The following SP5 variants were observed in gnomAD, a reference collection of about 807,000 sequenced individuals.
SP5 encodes Sp5 transcription factor.
A neutral mutation model predicts 27.4 loss-of-function variants in SP5; 12 were observed. The ratio of observed to expected loss-of-function variants is 0.44; its 90% confidence interval spans 0.28 to 0.71. The LOEUF (loss-of-function observed/expected upper bound fraction) is 0.71. Ranked by LOEUF, SP5 falls within the 30% of genes least tolerant of loss-of-function variation. SP5 has a pLI of 0.15. For synonymous variants in SP5, 330 were observed against 290.7 expected (o/e 1.14, Z -1.38); for missense variants, 660 against 589.8 (o/e 1.12, Z -1.23).
At chr2:170,716,128 G>T in intron 1 of SP5, 131 bp from the exon 2 acceptor site, 2 of 1,410,510 alleles carry the variant, frequency 1.4e-6, no homozygotes, top group East Asian at 2.7e-5. Context: ...GTGCGGTGGC[G>T]GGGGAGGGAC....
intron 1 of SP5, chr2:170,715,861 C>T (rs1370847027): frequency 2.0e-6 from 2 of 985,288 alleles, no homozygotes. Context: ...AGCGCGAAGG[C>T]AGTGAGGACA....
intron 1 of SP5, chr2:170,715,890 G>A: frequency 1.0e-6 from 1 of 985,454 alleles, no homozygotes; most frequent in African/African-American, 1.7e-5. Flanking sequence ...TAAAAGATGG[G>A]AGGGAGAGCG....
At position 170,716,391 on chromosome 2, in the gene SP5, G is replaced by A. The variant is rs1429269247; in HGVS notation, c.184G>A (p.Ala62Thr). Residue 62 changes from alanine to threonine, a missense_variant, in exon 2 of 2, where the codon GCG (alanine) becomes ACG (threonine). Physicochemically the swap from Ala to Thr is moderately conservative, Grantham distance 58 (BLOSUM62 0). Transcript: ENST00000375281. ...CTTCCTGCAGGTGCCCTACGACCCC[G>A]CGCTGGGCTCACCCTCCAGGCTCTT... ...PDFLQVPYDP[A>T]LGSPSRLFHP... 6.3e-6 allele frequency: 10 copies of A among 1,598,374 alleles called. No homozygotes were observed. Among genetic ancestry groups the A allele is most frequent in the African/African-American group, 1.3e-5 (1 of 74,780 alleles).
chr2:170,717,712 C>A lies in SP5; in HGVS notation c.*308C>A. On this transcript the variant is annotated 3_prime_UTR_variant, in exon 2 of 2. Transcript: ENST00000375281. ...GTTTCGGGGGACCACCCTGGTCTGGCCTTGTATATAGGAAATGCTGCTGAA... is the reference window on the plus strand; with the variant it reads ...GTTTCGGGGGACCACCCTGGTCTGGACTTGTATATAGGAAATGCTGCTGAA... 8.5e-6 allele frequency: 4 copies of A among 472,462 alleles called. No homozygotes were observed. Among genetic ancestry groups the A allele is most frequent in the South Asian group, 2.4e-5 (1 of 40,984 alleles). The allele number at this position is 472,462 out of a possible 1,614,324, so 29.3% of individuals were successfully genotyped here.
In SP5 at chr2:170,717,061, C is replaced by T. The variant is rs1399653699; in HGVS notation, c.854C>T (p.Ala285Val). The change falls in exon 2 of 2, where the codon GCC becomes GTC. Residue 285 changes from alanine (A) to valine (V), a missense_variant. Transcript: ENST00000375281. ...CCCAACTGCCAGGCGGCGGGCGGCG[C>T]CCCCGAGGCGGAGCCGGGGAAGAAG... ...RCPNCQAAGG[A>V]PEAEPGKKKQ... is the part of the protein sequence containing the mutation. 3.2e-6 allele frequency: 5 copies of T among 1,551,790 alleles called. No individual in the cohort carries two copies. The highest frequency in any genetic ancestry group is 4.4e-6 in the Non-Finnish European group (5 of 1,148,792).
In SP5 at chr2:170,716,534, C is replaced by A; in HGVS notation, c.327C>A (p.His109Gln). 6.2e-7 allele frequency: 1 copy of A among 1,611,282 alleles called. No individual in the cohort carries two copies. The highest frequency in any genetic ancestry group is 8.5e-7 in the Non-Finnish European group (1 of 1,179,386). The part of the protein sequence containing the change: ...THLQPSFGAA[H>Q]ELPLTPPADP... The stretch of plus-strand genomic sequence containing the variant: ...TGCAGCCGTCCTTCGGGGCTGCGCA[C>A]GAGCTTCCCCTTACACCCCCCGCCG... The change falls in exon 2 of 2, where the codon CAC (histidine) becomes CAA (glutamine). Residue 109 changes from histidine (H) to glutamine (Q), a missense_variant. Transcript: ENST00000375281.
In SP5 at chr2:170,716,287, T is replaced by C; in HGVS notation, c.80T>C (p.Leu27Pro). ...QDRTPSASPD[L>P]GKHSPLALLA... ...CGCACCCCCAGCGCCTCCCCGGACC[T>C]GGGCAAGCACTCGCCCCTGGCATTG... The change falls in exon 2 of 2, where the codon CTG (leucine) becomes CCG (proline). Residue 27 changes from leucine (L) to proline (P), a missense_variant. Leu to Pro is a moderately conservative substitution (Grantham distance 98). Coordinates refer to ENST00000375281, the MANE Select transcript of SP5 (RefSeq NM_001003845.3). The C allele has an allele frequency of 1.3e-6, 2 of 1,595,334 alleles. No individual in the cohort carries two copies. The highest frequency in any genetic ancestry group is 2.2e-5 in the East Asian group (1 of 44,752).
rs756699488 is a variant in SP5 at position 170,716,904 on chromosome 2, G to C, written c.697G>C (p.Ala233Pro). The change falls in exon 2 of 2, where the codon GCC becomes CCC. Residue 233 changes from alanine to proline, a missense_variant. Physicochemically the swap from Ala to Pro is conservative, Grantham distance 27. Transcript: ENST00000375281. ...CTCTGCGGCCGCTGCTGCTGCGGCC[G>C]CCGCCGCCCTACAAAGAGGCCTGGT... ...PASAAAAAAA[A>P]AALQRGLVLG... 6.6e-7 allele frequency: 1 copy of C among 1,525,820 alleles called. No homozygotes were observed. The highest frequency in any genetic ancestry group is 8.8e-7 in the Non-Finnish European group (1 of 1,138,158). 94.5% of individuals were successfully genotyped at this position (1,525,820 alleles called of 1,614,324 possible). A position where few individuals can be genotyped will look rare whatever the true frequency, so the allele number is the denominator to read the frequency against.
chr2:170,715,592 G>C, intron 1 of SP5, 29 bp downstream of exon 1: 1 of 1,544,558 alleles, frequency 6.5e-7, no homozygotes, highest in Non-Finnish European at 8.7e-7. Context: ...GGGGGCGGGA[G>C]AAAGGTGGAA....
Position 170,717,411 on chromosome 2 carries a change from C to G in SP5, c.*7C>G. On this transcript the variant is annotated 3_prime_UTR_variant, in exon 2 of 2. Transcript: ENST00000375281. Reference sequence around the variant, plus strand: ...GGACGCGCGGGACCTGTGAGCCCTCCCGGAGGTGGACCCCCTTCCCAGCAC... The same window carrying G: ...GGACGCGCGGGACCTGTGAGCCCTCGCGGAGGTGGACCCCCTTCCCAGCAC... 6.2e-7 allele frequency: 1 copy of G among 1,609,558 alleles called. No homozygotes were observed. The highest frequency in any genetic ancestry group is 8.5e-7 in the Non-Finnish European group (1 of 1,179,718).
rs1412165702 is a variant in SP5 at position 170,717,080 on chromosome 2, G to A, written c.873G>A (p.Gly291=). Residue 291 remains glycine, a synonymous_variant, in exon 2 of 2, where the codon GGG becomes GGA. Coordinates refer to ENST00000375281, the MANE Select transcript of SP5 (RefSeq NM_001003845.3). ...GCGGCGCCCCCGAGGCGGAGCCGGGGAAGAAGAAGCAGCACGTGTGCCACG... is the reference window on the plus strand; with the variant it reads ...GCGGCGCCCCCGAGGCGGAGCCGGGAAAGAAGAAGCAGCACGTGTGCCACG... The part of the protein sequence containing the change: ...AAGGAPEAEP[G]KKKQHVCHVP... 5 of 1,564,498 alleles carry A rather than the reference G, an allele frequency of 3.2e-6. No homozygotes were observed. The highest frequency in any genetic ancestry group is 2.2e-4 in the Middle Eastern group (1 of 4,520).
chr2:170,715,603 A>G, intron 1 of SP5, 40 bp downstream of exon 1: 2 of 1,537,616 alleles, frequency 1.3e-6, no homozygotes, highest in Non-Finnish European at 1.8e-6. Context: ...AAAGGTGGAA[A>G]GGGCCGTGTC....
In SP5 at chr2:170,716,907, G is replaced by C; in HGVS notation, c.700G>C (p.Ala234Pro). The change falls in exon 2 of 2, where the codon GCC (alanine) becomes CCC (proline). Residue 234 changes from alanine to proline, a missense_variant. Coordinates refer to ENST00000375281, the MANE Select transcript of SP5 (RefSeq NM_001003845.3). The part of the protein sequence containing the change: ...ASAAAAAAAA[A>P]ALQRGLVLGP... ...TGCGGCCGCTGCTGCTGCGGCCGCC[G>C]CCGCCCTACAAAGAGGCCTGGTGTT... 6.5e-7 allele frequency: 1 copy of C among 1,530,760 alleles called. No homozygotes were observed. Among genetic ancestry groups the C allele is most frequent in the Non-Finnish European group, 8.8e-7 (1 of 1,140,240 alleles). The allele number at this position is 1,530,760 out of a possible 1,614,324, so 94.8% of individuals were successfully genotyped here.
chr2:170,716,196 C>G (rs1219933139), intron 1 of SP5, 63 bp from the exon 2 acceptor site: 1 of 1,533,708 alleles, frequency 6.5e-7, no homozygotes. Flanking sequence ...GCGGGCTGGC[C>G]CGGAGTCCGC....
intron 1 of SP5, chr2:170,716,047 C>A (rs1326378894): frequency 5.0e-6 from 7 of 1,393,912 alleles, no homozygotes; most frequent in Non-Finnish European, 5.5e-6. Flanking sequence ...TAGCAAGAAG[C>A]GCTCGCGGGC....
In SP5 at chr2:170,717,601, G is replaced by A; in HGVS notation, c.*197G>A. ...GAGCGGGGAGGTAGGGTTGGGGCTG[G>A]GGCATTTGGATTGTAATTGGGAGCT... On this transcript the variant is annotated 3_prime_UTR_variant, in exon 2 of 2. Transcript: ENST00000375281. 1 of 731,086 alleles carries A rather than the reference G, an allele frequency of 1.4e-6. No homozygotes were observed. The highest frequency in any genetic ancestry group is 1.8e-5 in the African/African-American group (1 of 56,316). The allele number at this position is 731,086 out of a possible 1,614,324, so 45.3% of individuals were successfully genotyped here.
In SP5 at chr2:170,716,866, C is replaced by T. The variant is rs1372148837; in HGVS notation, c.659C>T (p.Pro220Leu). The part of the protein sequence containing the change: ...SGACAGAPHA[P>L]RFPASAAAAA... ...GCCTGTGCCGGGGCCCCCCACGCGC[C>T]CCGCTTCCCCGCCTCTGCGGCCGCT... Residue 220 changes from proline to leucine, a missense_variant, in exon 2 of 2, where the codon CCC becomes CTC. Physicochemically the swap from Pro to Leu is moderately conservative, Grantham distance 98. Coordinates refer to ENST00000375281, the MANE Select transcript of SP5 (RefSeq NM_001003845.3). 1.1e-5 allele frequency: 16 copies of T among 1,465,386 alleles called. No individual in the cohort carries two copies. Among genetic ancestry groups the T allele is most frequent in the East Asian group, 8.7e-5 (3 of 34,358 alleles). 90.8% of individuals were successfully genotyped at this position (1,465,386 alleles called of 1,614,324 possible).
intron 1 of SP5, 28 bp from the exon 2 acceptor site, chr2:170,716,231 T>C: frequency 1.3e-6 from 2 of 1,574,518 alleles, no homozygotes; most frequent in Non-Finnish European, 8.5e-7. Context: ...TTTTGTCTCT[T>C]CTCCGCCCTC....
In SP5 at chr2:170,717,012, A is replaced by G. The variant is rs1373916688; in HGVS notation, c.805A>G (p.Arg269Gly). 1 of 1,547,148 alleles carries G rather than the reference A, an allele frequency of 6.5e-7. No individual in the cohort carries two copies. Among genetic ancestry groups the G allele is most frequent in the Non-Finnish European group, 8.7e-7 (1 of 1,146,160 alleles). ...CAAGGCCCCCCTGGCGGCCACGGCC[A>G]GGAGGTGCCGCCGCTGCCGCTGTCC... is the stretch of plus-strand genomic sequence containing the variant. ...QTKAPLAATA[R>G]RCRRCRCPNC... Residue 269 changes from arginine (R) to glycine (G), a missense_variant, in exon 2 of 2, where the codon AGG becomes GGG. Physicochemically the swap from Arg to Gly is moderately radical, Grantham distance 125. Coordinates refer to ENST00000375281, the MANE Select transcript of SP5 (RefSeq NM_001003845.3).
Sources: gnomAD v4.1 joint callset for allele counts on GRCh38, gnomAD v4.1.1 for gene constraint, MANE v1.5 for transcripts, NCBI Gene and HGNC (gene_info 2026-07-23, HGNC 2026-07-21) for gene names.